Variants in PLPPR1 observed in about 807,000 individuals in gnomAD.
The protein encoded by PLPPR1 is phospholipid phosphatase-related protein type 1.
A neutral mutation model predicts 33.1 loss-of-function variants in PLPPR1; 10 were observed. That is an observed-to-expected ratio of 0.30 (90% CI 0.19 to 0.51). PLPPR1 has a LOEUF of 0.51. PLPPR1 is among the 20% of genes least tolerant of loss of function. PLPPR1 has a pLI of 0.97. For synonymous variants in PLPPR1, 151 were observed against 151.0 expected (o/e 1.00, Z 0.00); for missense variants, 304 against 408.1 (o/e 0.74, Z 2.20).
chr9:101,134,520 C>G (rs908457392), intron 1 of PLPPR1, among the ~76,000 whole-genome samples: 4 of 151,724 alleles, frequency 2.6e-5, no homozygotes, highest in Non-Finnish European at 4.4e-5. Context: ...GTAGCTTGGA[C>G]TACAGGCATG....
At chr9:101,124,565 CA>C (rs566913300) in intron 1 of PLPPR1, among the ~76,000 whole-genome samples, 1 of 152,162 alleles carries the variant, frequency 6.6e-6, no homozygotes, top group South Asian at 2.1e-4. Context: ...GAAACAGAAG[CA>C]AAAACATTTT....
intron 4 of PLPPR1, among the ~76,000 whole-genome samples, chr9:101,291,400 C>T (rs549097140): frequency 6.6e-6 from 1 of 152,348 alleles, no homozygotes; most frequent in South Asian, 2.1e-4. Context: ...CCTCTGCAGA[C>T]TTAAATGTCC....
chr9:101,194,992 T>A (rs1423715878), intron 2 of PLPPR1, among the ~76,000 whole-genome samples: 1 of 152,224 alleles, frequency 6.6e-6, no homozygotes, highest in East Asian at 1.9e-4. Flanking sequence ...TATGCCTAAA[T>A]CTCAGTGGCT....
intron 1 of PLPPR1, among the ~76,000 whole-genome samples, chr9:101,124,900 C>G (rs1175236747): frequency 6.6e-6 from 1 of 152,208 alleles, no homozygotes; most frequent in South Asian, 2.1e-4. Flanking sequence ...CAGCAAAGAC[C>G]GCAGAAACCA....
chr9:101,272,953 G>C (rs1018228537), intron 3 of PLPPR1, among the ~76,000 whole-genome samples: 2 of 152,104 alleles, frequency 1.3e-5, no homozygotes, highest in Non-Finnish European at 2.9e-5. Context: ...TGTATATAGG[G>C]ATGTTCATGT....
chr9:101,151,878 T>C (rs1330572460), intron 1 of PLPPR1, among the ~76,000 whole-genome samples: 1 of 152,212 alleles, frequency 6.6e-6, no homozygotes, highest in African/African-American at 2.4e-5. Flanking sequence ...CCTGATTTGA[T>C]GATCTTCCAA....
intron 1 of PLPPR1, among the ~76,000 whole-genome samples, chr9:101,092,102 GCT>G (rs1413768195): frequency 6.6e-6 from 1 of 152,006 alleles, no homozygotes; most frequent in Non-Finnish European, 1.5e-5. Context: ...AGCACAACAT[GCT>G]CTCTCTCACC....
At chr9:101,180,234 A>G (rs532838931) in intron 1 of PLPPR1, among the ~76,000 whole-genome samples, 2 of 148,608 alleles carry the variant, frequency 1.3e-5, no homozygotes, top group East Asian at 4.0e-4. Context: ...ACACACATAC[A>G]TTCCATTAAT....
At chr9:101,282,117 A>G (rs1400217535) in intron 3 of PLPPR1, among the ~76,000 whole-genome samples, 2 of 152,314 alleles carry the variant, frequency 1.3e-5, no homozygotes, top group East Asian at 3.9e-4. Flanking sequence ...AGAAGGACAC[A>G]ACAACACAGG....
At chr9:101,215,089 TTA>T (rs1030421364) in intron 2 of PLPPR1, among the ~76,000 whole-genome samples, 22 of 151,794 alleles carry the variant, frequency 1.4e-4, no homozygotes, top group Admixed American at 1.4e-3. Flanking sequence ...TCCTGAAATT[TTA>T]TGTTTGTAAT....
At chr9:101,246,091 T>TAGATAGATAGATAG (rs1479286575) in intron 2 of PLPPR1, among the ~76,000 whole-genome samples, 2 of 110,098 alleles carry the variant, frequency 1.8e-5, no homozygotes, top group African/African-American at 6.2e-5. Flanking sequence ...TATATATATA[T>TAGATAGATAGATAG]ATATATATAT....
chr9:101,179,748 G>T (rs1816365), intron 1 of PLPPR1, among the ~76,000 whole-genome samples: 83,731 of 151,696 alleles, frequency 0.55, 23,972 homozygotes, highest in Non-Finnish European at 0.62. Context: ...TTGATTGGAT[G>T]GAAGGATGCA....
chr9:101,308,761 C>T (rs1056808436), intron 4 of PLPPR1, among the ~76,000 whole-genome samples: 1 of 152,010 alleles, frequency 6.6e-6, no homozygotes, highest in Non-Finnish European at 1.5e-5. Flanking sequence ...GAAGGTATTT[C>T]GTATAGAAGG....
intron 1 of PLPPR1, among the ~76,000 whole-genome samples, chr9:101,184,788 T>C (rs1826176439): frequency 6.6e-6 from 1 of 152,008 alleles, no homozygotes; most frequent in Non-Finnish European, 1.5e-5. Context: ...GCTACTCCAT[T>C]CTTGTAAGCT....
At chr9:101,181,156 G>A (rs1826104327) in intron 1 of PLPPR1, among the ~76,000 whole-genome samples, 2 of 146,134 alleles carry the variant, frequency 1.4e-5, no homozygotes, top group African/African-American at 5.0e-5. Flanking sequence ...TATTAGATAT[G>A]TAATATATAT....
intron 2 of PLPPR1, among the ~76,000 whole-genome samples, chr9:101,204,678 A>G (rs1293457290): frequency 6.6e-6 from 1 of 152,112 alleles, no homozygotes; most frequent in African/African-American, 2.4e-5. Flanking sequence ...ATGGATTTCT[A>G]AGCTTCTCTA....
chr9:101,213,441 T>G (rs1036262731), intron 2 of PLPPR1, among the ~76,000 whole-genome samples: 2 of 152,204 alleles, frequency 1.3e-5, no homozygotes, highest in Non-Finnish European at 2.9e-5. Context: ...ATTCTAAGGT[T>G]ATTAAAATAG....
chr9:101,275,047 C>A (rs986277683), intron 3 of PLPPR1, among the ~76,000 whole-genome samples: 2 of 152,142 alleles, frequency 1.3e-5, no homozygotes, highest in South Asian at 2.1e-4. Flanking sequence ...CACCTCTGTG[C>A]CGGATTAAGT....
rs576294602 is a variant in PLPPR1 at position 101,119,042 on chromosome 9, T to C, written c.-45-66408T>C. On this transcript the variant is annotated intron_variant, in intron 1 of 7. Coordinates refer to ENST00000374874, the MANE Select transcript of PLPPR1 (RefSeq NM_207299.2). ...CAGAGAGTAAGTTGCTTCTCTCCAA[T>C]ACTAAAATCAAGCCCCTGGGAATGG... 1.2e-4 allele frequency among the ~76,000 whole-genome samples: 18 copies of C among 152,308 alleles called. No individual in the cohort carries two copies. The South Asian group carries it at 3.5e-3, about 30-fold the overall frequency.
Sources: gnomAD v4.1 joint callset for allele counts (sites outside exome capture counted in the v4.1 genomes callset) on GRCh38, gnomAD v4.1.1 for gene constraint, MANE v1.5 for transcripts, NCBI Gene and HGNC (gene_info 2026-07-23, HGNC 2026-07-21) for gene names.